Variants in RBFOX1 observed in about 807,000 individuals in gnomAD.
RBFOX1 encodes the protein RNA binding fox-1 homolog 1.
RBFOX1 carries 8 observed loss-of-function variants against 57.7 expected under a neutral mutation model. The ratio of observed to expected loss-of-function variants is 0.14; its 90% confidence interval spans 0.08 to 0.25. RBFOX1 has a LOEUF of 0.25. Among genes scored for constraint, RBFOX1 ranks in the 10% least tolerant of loss-of-function variants. RBFOX1 has a pLI of 1.00. For missense variants in RBFOX1, 611 were observed against 548.5 expected (o/e 1.11, Z -1.14); for synonymous variants, 326 against 222.4 (o/e 1.47, Z -4.15).
rs139597764 is a variant in RBFOX1, at chr16:7,432,644, C to T, written c.28-85503C>T. On this transcript the variant is annotated intron_variant, in intron 4 of 15. Coordinates refer to ENST00000550418, the MANE Select transcript of RBFOX1 (RefSeq NM_018723.4). ...AGCAGTCACAGACAATACATAAACACATGGGGGTAACTGTGTTCTAATAAA... is the reference window on the plus strand; with the variant it reads ...AGCAGTCACAGACAATACATAAACATATGGGGGTAACTGTGTTCTAATAAA... Among the ~76,000 whole-genome samples the T allele has an allele frequency of 2.2e-4, 33 of 152,332 alleles. No individual in the cohort carries two copies. The Middle Eastern group carries it at 0.017, about 79-fold the overall frequency.
chr16:7,700,169 C>G (rs570096788), intron 14 of RBFOX1, among the ~76,000 whole-genome samples: 1 of 152,258 alleles, frequency 6.6e-6, no homozygotes, highest in South Asian at 2.1e-4. Flanking sequence ...GTAGCTCTGA[C>G]ACATGTACCC....
chr16:6,657,957 G>T (rs2098672138), intron 3 of RBFOX1, among the ~76,000 whole-genome samples: 1 of 151,640 alleles, frequency 6.6e-6, no homozygotes, highest in Non-Finnish European at 1.5e-5. Flanking sequence ...CTGGCTTTCT[G>T]TCTACTTCGT....
chr16:7,002,706 A>C (rs907723274), intron 3 of RBFOX1, among the ~76,000 whole-genome samples: 1 of 152,220 alleles, frequency 6.6e-6, no homozygotes, highest in African/African-American at 2.4e-5. Flanking sequence ...GTGAGGGTCC[A>C]ACTCAAAAAC....
intron 2 of RBFOX1, among the ~76,000 whole-genome samples, chr16:6,614,264 A>G (rs776008427): frequency 2.6e-5 from 4 of 152,164 alleles, no homozygotes; most frequent in Non-Finnish European, 5.9e-5. Flanking sequence ...ACAATAATAA[A>G]CTAAAGATAG....
chr16:6,452,848 C>A (rs546618458), intron 2 of RBFOX1, among the ~76,000 whole-genome samples: 1 of 152,140 alleles, frequency 6.6e-6, no homozygotes, highest in East Asian at 1.9e-4. Context: ...TTATGCCTAC[C>A]CTAGGGGGGT....
intron 3 of RBFOX1, among the ~76,000 whole-genome samples, chr16:5,790,054 C>T (rs1597263036): frequency 6.6e-6 from 1 of 152,226 alleles, no homozygotes; most frequent in African/African-American, 2.4e-5. Flanking sequence ...GCACCCAACC[C>T]TTGTGGTTAT....
At chr16:6,068,610 T>G (rs2095796957) in intron 1 of RBFOX1, among the ~76,000 whole-genome samples, 1 of 152,148 alleles carries the variant, frequency 6.6e-6, no homozygotes, top group Non-Finnish European at 1.5e-5. Flanking sequence ...GGAGACAAGA[T>G]AAGGATAATC....
At chr16:5,991,861 A>G (rs537787831) in intron 4 of RBFOX1, among the ~76,000 whole-genome samples, 1 of 152,082 alleles carries the variant, frequency 6.6e-6, no homozygotes. Context: ...GATATGGTGT[A>G]TCTGATGCTC....
intron 3 of RBFOX1, among the ~76,000 whole-genome samples, chr16:7,044,776 C>G (rs576279602): frequency 6.6e-6 from 1 of 152,120 alleles, no homozygotes; most frequent in African/African-American, 2.4e-5. Flanking sequence ...TTTTTCAAGG[C>G]TAGCTTTTAA....
At chr16:7,482,600 C>T (rs562656466) in intron 4 of RBFOX1, among the ~76,000 whole-genome samples, 11 of 129,068 alleles carry the variant, frequency 8.5e-5, no homozygotes, top group African/African-American at 3.0e-4. Flanking sequence ...TGCCTAGCCT[C>T]GGGTACACAA....
intron 1 of RBFOX1, among the ~76,000 whole-genome samples, chr16:5,402,231 G>T (rs11861045): frequency 0.049 from 7,532 of 152,202 alleles, 265 homozygotes; most frequent in East Asian, 0.11. Context: ...TACTGGAGAA[G>T]ATCTGGAAGG....
intron 12 of RBFOX1, among the ~76,000 whole-genome samples, chr16:7,660,917 A>G (rs1369512398): frequency 6.6e-6 from 1 of 152,178 alleles, no homozygotes; most frequent in Admixed American, 6.5e-5. Context: ...CCCAGTTCAG[A>G]CAATACCCAA....
chr16:5,559,785 A>G lies in RBFOX1; in HGVS notation c.259-39117A>G, dbSNP rs550492870. 3.9e-5 allele frequency among the ~76,000 whole-genome samples: 6 copies of G among 152,302 alleles called. 1 individual carries two copies. In the South Asian group the frequency reaches 1.2e-3, roughly 32 times the overall value. On this transcript the variant is annotated intron_variant, in intron 2 of 2. Coordinates refer to the RBFOX1 transcript ENST00000585867. The stretch of plus-strand genomic sequence containing the variant: ...CCACTCCCCTCATCTTGCTTTTAAC[A>G]TCTGCCCAGGGACTTCTTACTGCTT...
chr16:7,432,781 C>T (rs1437802524), intron 4 of RBFOX1, among the ~76,000 whole-genome samples: 1 of 152,190 alleles, frequency 6.6e-6, no homozygotes, highest in Non-Finnish European at 1.5e-5. Flanking sequence ...GGAATCTCCC[C>T]CAAGCATTCT....
At chr16:7,564,023 T>G (rs927247734) in intron 5 of RBFOX1, among the ~76,000 whole-genome samples, 3 of 152,276 alleles carry the variant, frequency 2.0e-5, no homozygotes, top group East Asian at 1.9e-4. Context: ...TGCAGGTGTT[T>G]GTAGGCGCTG....
intron 2 of RBFOX1, among the ~76,000 whole-genome samples, chr16:6,653,562 G>A (rs1456495365): frequency 6.6e-6 from 1 of 151,566 alleles, no homozygotes; most frequent in Non-Finnish European, 1.5e-5. Context: ...CAAGAAAATA[G>A]CAGAAAATCA....
intron 3 of RBFOX1, among the ~76,000 whole-genome samples, chr16:5,634,973 G>A (rs1487181457): frequency 6.6e-6 from 1 of 152,144 alleles, no homozygotes; most frequent in Non-Finnish European, 1.5e-5. Context: ...GTGTACAGGG[G>A]AGGAGAGTCA....
intron 2 of RBFOX1, among the ~76,000 whole-genome samples, chr16:6,462,840 C>A (rs1208501831): frequency 6.6e-6 from 1 of 152,030 alleles, no homozygotes; most frequent in Non-Finnish European, 1.5e-5. Flanking sequence ...TTTTCATGTT[C>A]TTGACGACTA....
At chr16:7,315,345 G>C (rs1411311798) in intron 4 of RBFOX1, among the ~76,000 whole-genome samples, 1 of 151,470 alleles carries the variant, frequency 6.6e-6, no homozygotes, top group East Asian at 1.9e-4. Context: ...AGTTAAAAAA[G>C]AAAGATACGT....
Sources: gnomAD v4.1 joint callset for allele counts (sites outside exome capture counted in the v4.1 genomes callset) on GRCh38, gnomAD v4.1.1 for gene constraint, MANE v1.5 for transcripts, NCBI Gene and HGNC (gene_info 2026-07-23, HGNC 2026-07-21) for gene names.